FANCC: variants seen among roughly 807,000 people sequenced by gnomAD.
FANCC encodes the protein FA complementation group C.
FANCC carries 55 observed loss-of-function variants against 71.3 expected under a neutral mutation model. That is an observed-to-expected ratio of 0.77 (90% CI 0.62 to 0.97). The LOEUF is 0.97. Among genes scored for constraint, FANCC ranks in the 50% least tolerant of loss-of-function variants. The probability of loss-of-function intolerance (pLI) is 0.00; values close to 1 mark genes in which losing one functional copy is unlikely to be tolerated. For synonymous variants in FANCC, 275 were observed against 244.9 expected (o/e 1.12, Z -1.15); for missense variants, 678 against 670.9 (o/e 1.01, Z -0.12).
At chr9:95,225,687 C>T (rs1030412012) in intron 4 of FANCC, among the ~76,000 whole-genome samples, 1 of 152,138 alleles carries the variant, frequency 6.6e-6, no homozygotes, top group Admixed American at 6.5e-5. Context: ...TGGCAAATCA[C>T]TAAGAAACAA....
At chr9:95,193,172 G>A (rs1454609665) in intron 4 of FANCC, among the ~76,000 whole-genome samples, 1 of 152,130 alleles carries the variant, frequency 6.6e-6, no homozygotes, top group Non-Finnish European at 1.5e-5. Context: ...GAAATGAAGA[G>A]CATGCTGATT....
chr9:95,284,139 T>C (rs1283974663), intron 1 of FANCC, among the ~76,000 whole-genome samples: 1 of 152,212 alleles, frequency 6.6e-6, no homozygotes. Flanking sequence ...CTAGAAATAA[T>C]CTCTCTTGGC....
At chr9:95,108,033 A>G (rs780837305) in intron 13 of FANCC, among the ~76,000 whole-genome samples, 2 of 152,204 alleles carry the variant, frequency 1.3e-5, no homozygotes, top group Non-Finnish European at 2.9e-5. Flanking sequence ...CATAGCTCCA[A>G]ATGCCACATG....
chr9:95,297,418 C>T (rs1372191096), intron 1 of FANCC, among the ~76,000 whole-genome samples: 1 of 152,188 alleles, frequency 6.6e-6, no homozygotes, highest in Non-Finnish European at 1.5e-5. Context: ...CTCTCTCCGT[C>T]CCTCTCTTCC....
chr9:95,230,775 G>C (rs1829958263), intron 4 of FANCC, among the ~76,000 whole-genome samples: 1 of 152,138 alleles, frequency 6.6e-6, no homozygotes, highest in Admixed American at 6.5e-5. Flanking sequence ...GCCGCTGCTG[G>C]CTGGGGTGGC....
chr9:95,186,486 G>GTA (rs1363842239), intron 4 of FANCC: 2 of 152,214 alleles, frequency 1.3e-5, no homozygotes, highest in African/African-American at 2.4e-5. Context: ...ATTTTTAGAA[G>GTA]TGAGTTTGGA....
chr9:95,150,704 G>A (rs948123254), intron 6 of FANCC, among the ~76,000 whole-genome samples: 5 of 152,206 alleles, frequency 3.3e-5, no homozygotes, highest in Admixed American at 2.0e-4. Flanking sequence ...AATAAGCAAT[G>A]TCTTTCACTA....
intron 4 of FANCC, among the ~76,000 whole-genome samples, chr9:95,233,262 G>A (rs1830119701): frequency 6.6e-6 from 1 of 151,258 alleles, no homozygotes; most frequent in Non-Finnish European, 1.5e-5. Context: ...AACGCAGGTA[G>A]AAAAAAAATA....
At chr9:95,127,503 T>G (rs537232941) in intron 8 of FANCC, 2 of 152,330 alleles carry the variant, frequency 1.3e-5, no homozygotes, top group African/African-American at 2.4e-5. Flanking sequence ...AGGATGGGGC[T>G]CTGGTTCCGT....
intron 6 of FANCC, among the ~76,000 whole-genome samples, chr9:95,166,579 ACTTTTAT>A (rs1353175028): frequency 2.0e-5 from 3 of 152,186 alleles, no homozygotes; most frequent in African/African-American, 7.2e-5. Context: ...TTATTTTTAC[ACTTTTAT>A]CTTTTAAGTT....
intron 13 of FANCC, among the ~76,000 whole-genome samples, chr9:95,109,327 A>G (rs1696258374): frequency 6.6e-6 from 1 of 152,132 alleles, no homozygotes; most frequent in Non-Finnish European, 1.5e-5. Flanking sequence ...CCATTGTTGT[A>G]TTTATGAACA....
chr9:95,304,613 G>T (rs183638973), intron 1 of FANCC, among the ~76,000 whole-genome samples: 23 of 151,654 alleles, frequency 1.5e-4, no homozygotes, highest in Non-Finnish European at 3.4e-4. Flanking sequence ...AGGTGGGCGT[G>T]GTGGCGAGCG....
intron 4 of FANCC, among the ~76,000 whole-genome samples, chr9:95,172,738 T>C (rs1392581027): frequency 1.3e-5 from 2 of 152,210 alleles, no homozygotes; most frequent in Non-Finnish European, 2.9e-5. Flanking sequence ...CATCAAAATA[T>C]ACTCCAGTTT....
chr9:95,201,113 A>G (rs1009888312), intron 4 of FANCC, among the ~76,000 whole-genome samples: 1 of 152,246 alleles, frequency 6.6e-6, no homozygotes, highest in African/African-American at 2.4e-5. Flanking sequence ...AACATTTTTG[A>G]AAGTTTTCAA....
At chr9:95,290,860 A>C (rs1391698912) in intron 1 of FANCC, among the ~76,000 whole-genome samples, 1 of 152,214 alleles carries the variant, frequency 6.6e-6, no homozygotes, top group African/African-American at 2.4e-5. Context: ...TCAACAACAC[A>C]TAAAAAAAGA....
At chr9:95,118,671 T>C (rs1007404584) in intron 10 of FANCC, among the ~76,000 whole-genome samples, 1 of 152,238 alleles carries the variant, frequency 6.6e-6, no homozygotes, top group African/African-American at 2.4e-5. Flanking sequence ...TAAAGTATGT[T>C]TTCTTTTGTG....
chr9:95,249,958 G>C lies in FANCC; in HGVS notation c.-78-589C>G, dbSNP rs1831227557. 5.3e-5 allele frequency among the ~76,000 whole-genome samples: 8 copies of C among 152,234 alleles called. No homozygotes were observed. The South Asian group carries it at 1.7e-3, about 32-fold the overall frequency. ...TAACTAAAGATTGCTTTATATGCTT[G>C]ATCTCACTTCATTCACACGAAGAAA... On this transcript the variant is annotated intron_variant, in intron 1 of 14. Coordinates refer to ENST00000289081, the MANE Select transcript of FANCC (RefSeq NM_000136.3).
At chr9:95,260,336 T>C (rs890698530) in intron 1 of FANCC, among the ~76,000 whole-genome samples, 7 of 152,166 alleles carry the variant, frequency 4.6e-5, no homozygotes, top group Admixed American at 2.0e-4. Flanking sequence ...GTGGCACATA[T>C]ACACCATGGA....
chr9:95,281,478 GGAC>G (rs1321300451), intron 1 of FANCC, among the ~76,000 whole-genome samples: 5 of 152,030 alleles, frequency 3.3e-5, no homozygotes, highest in African/African-American at 1.2e-4. Flanking sequence ...AAAGACTTCT[GGAC>G]GACAAAAGCT....
Sources: gnomAD v4.1 joint callset for allele counts (sites outside exome capture counted in the v4.1 genomes callset) on GRCh38, gnomAD v4.1.1 for gene constraint, MANE v1.5 for transcripts, NCBI Gene and HGNC (gene_info 2026-07-23, HGNC 2026-07-21) for gene names.